The following RANBP3L variants were observed in gnomAD, a reference collection of about 807,000 sequenced individuals.
The protein encoded by RANBP3L is ran-binding protein 3-like.
A neutral mutation model predicts 67.2 loss-of-function variants in RANBP3L; 56 were observed. That is an observed-to-expected ratio of 0.83 (90% confidence interval 0.67 to 1.04). RANBP3L has a LOEUF of 1.04. Among genes scored for constraint, RANBP3L ranks in the 50% least tolerant of loss-of-function variants. The pLI, the probability that RANBP3L is intolerant of heterozygous loss-of-function variation, is 0.00. For missense variants in RANBP3L, 496 were observed against 535.5 expected (o/e 0.93, Z 0.73); for synonymous variants, 164 against 181.4 (o/e 0.90, Z 0.77).
rs1316073460 is a variant in RANBP3L at position 36,255,613 on chromosome 5, G to C, written c.904-23C>G. The C allele has an allele frequency of 4.5e-6, 7 of 1,572,586 alleles. No homozygotes were observed. In the South Asian group the frequency reaches 8.0e-5, roughly 18 times the overall value. ...TATCTAAATGACAATTTTTTAAAATGTCAAATATATAGAAAATTTTTTCAA... is the reference window on the plus strand; with the variant it reads ...TATCTAAATGACAATTTTTTAAAATCTCAAATATATAGAAAATTTTTTCAA... On this transcript the variant is annotated intron_variant, in intron 10 of 13. Coordinates refer to ENST00000296604, the MANE Select transcript of RANBP3L (RefSeq NM_145000.5).
At position 36,256,999 on chromosome 5, in the gene RANBP3L, C is replaced by T. The variant is rs760103930; in HGVS notation, c.845G>A (p.Cys282Tyr). Residue 282 changes from cysteine to tyrosine, a missense_variant, in exon 10 of 14, where the codon TGC becomes TAC. Physicochemically the swap from Cys to Tyr is radical, Grantham distance 194 (BLOSUM62 -2). Transcript: ENST00000296604. ...TATAACATCAATTTTCTCCAGCAAG[C>T]ATTTTCGTGATGGTTGGGAAGAGAA... ...AAFSSQPSRK[C>Y]LLEKIDVITG... 2.5e-6 allele frequency: 4 copies of T among 1,612,848 alleles called. No individual in the cohort carries two copies. Among genetic ancestry groups the T allele is most frequent in the Admixed American group, 3.3e-5 (2 of 59,968 alleles).
chr5:36,272,371 A>C (rs1390496297), intron 1 of RANBP3L, among the ~76,000 whole-genome samples: 1 of 152,206 alleles, frequency 6.6e-6, no homozygotes, highest in African/African-American at 2.4e-5. Context: ...ACCATTACCA[A>C]CATATTGTCT....
intron 1 of RANBP3L, 74 bp downstream of exon 1, chr5:36,301,252 G>A: frequency 8.9e-7 from 1 of 1,125,758 alleles, no homozygotes. Flanking sequence ...TCCTTCACCA[G>A]CCCACCATTC....
intron 1 of RANBP3L, among the ~76,000 whole-genome samples, chr5:36,299,021 G>A (rs1377656977): frequency 6.6e-6 from 1 of 152,050 alleles, no homozygotes; most frequent in Admixed American, 6.6e-5. Context: ...GCTGGGGAAG[G>A]CAGATCCACC....
intron 1 of RANBP3L, among the ~76,000 whole-genome samples, chr5:36,288,069 G>A (rs933610295): frequency 3.9e-5 from 6 of 152,186 alleles, no homozygotes; most frequent in Non-Finnish European, 7.4e-5. Flanking sequence ...ATGCACAGAT[G>A]AATTTTTGAC....
intron 6 of RANBP3L, among the ~76,000 whole-genome samples, chr5:36,263,778 C>T (rs1303837888): frequency 1.3e-5 from 2 of 152,202 alleles, no homozygotes; most frequent in South Asian, 2.1e-4. Flanking sequence ...CCACTCATCT[C>T]GGCCTCCCGA....
In RANBP3L at chr5:36,249,082, A is replaced by G. The variant is rs559318061; in HGVS notation, c.*572T>C. On this transcript the variant is annotated 3_prime_UTR_variant, in exon 14 of 14. Transcript: ENST00000296604. Reference sequence around the variant, plus strand: ...CAAACATTGACAAGATGCAACAGATACAAGTCCAAGAGCAGATGCTCTTTT... The same window carrying G: ...CAAACATTGACAAGATGCAACAGATGCAAGTCCAAGAGCAGATGCTCTTTT... 1.6e-4 allele frequency: 24 copies of G among 152,266 alleles called. No individual in the cohort carries two copies. The highest frequency in any genetic ancestry group is 6.8e-3 in the Middle Eastern group (2 of 294). The allele number at this position is 152,266 out of a possible 1,614,324, so 9.4% of individuals were successfully genotyped here.
At chr5:36,294,222 G>A (rs1283104625) in intron 1 of RANBP3L, among the ~76,000 whole-genome samples, 1 of 152,076 alleles carries the variant, frequency 6.6e-6, no homozygotes, top group African/African-American at 2.4e-5. Context: ...ATGGTGGTTT[G>A]TATTTCTGTG....
intron 1 of RANBP3L, among the ~76,000 whole-genome samples, chr5:36,286,488 A>G (rs553016011): frequency 6.6e-6 from 1 of 152,244 alleles, no homozygotes; most frequent in East Asian, 1.9e-4. Context: ...AGTCATTCTT[A>G]AAGTGTGATC....
At chr5:36,287,186 G>A (rs1751386931) in intron 1 of RANBP3L, among the ~76,000 whole-genome samples, 1 of 152,180 alleles carries the variant, frequency 6.6e-6, no homozygotes, top group Non-Finnish European at 1.5e-5. Context: ...AGACTCTAAT[G>A]TGCATTGATC....
chr5:36,261,652 C>G (rs1322771968), intron 7 of RANBP3L, among the ~76,000 whole-genome samples: 1 of 152,130 alleles, frequency 6.6e-6, no homozygotes, highest in Non-Finnish European at 1.5e-5. Flanking sequence ...ATCTACTAAT[C>G]AGATAATTTA....
chr5:36,282,303 A>C (rs1371595559), intron 1 of RANBP3L, among the ~76,000 whole-genome samples: 1 of 152,212 alleles, frequency 6.6e-6, no homozygotes, highest in Non-Finnish European at 1.5e-5. Context: ...GTGTCTTCTC[A>C]AAGTTAATTT....
At chr5:36,272,090 T>G (rs1750257532) in intron 1 of RANBP3L, among the ~76,000 whole-genome samples, 1 of 151,638 alleles carries the variant, frequency 6.6e-6, no homozygotes, top group African/African-American at 2.4e-5. Context: ...CTAACTACTT[T>G]GGGAAACAAT....
chr5:36,252,648 G>A (rs1561092357), intron 12 of RANBP3L, among the ~76,000 whole-genome samples: 1 of 152,070 alleles, frequency 6.6e-6, no homozygotes, highest in African/African-American at 2.4e-5. Flanking sequence ...AATGTTAATA[G>A]TGACCATCTC....
At chr5:36,301,089 A>C (rs902351535) in intron 1 of RANBP3L, among the ~76,000 whole-genome samples, 23 of 152,202 alleles carry the variant, frequency 1.5e-4, no homozygotes, top group Non-Finnish European at 3.1e-4. Flanking sequence ...ACTCTAAAAA[A>C]CACAGTGGCT....
At chr5:36,254,871 T>G (rs1211186466) in intron 11 of RANBP3L, among the ~76,000 whole-genome samples, 1 of 152,070 alleles carries the variant, frequency 6.6e-6, no homozygotes, top group Non-Finnish European at 1.5e-5. Flanking sequence ...CTCTCTTGTA[T>G]TTTTAGGTTT....
chr5:36,258,945 A>G (rs1749180124), intron 8 of RANBP3L, among the ~76,000 whole-genome samples: 1 of 152,238 alleles, frequency 6.6e-6, no homozygotes, highest in Non-Finnish European at 1.5e-5. Context: ...TCTAACAGGC[A>G]GCCAAATTTG....
intron 12 of RANBP3L, among the ~76,000 whole-genome samples, chr5:36,252,240 T>C (rs754468092): frequency 4.1e-4 from 62 of 151,988 alleles, no homozygotes; most frequent in Non-Finnish European, 1.5e-4. Flanking sequence ...AGTCAGCAAA[T>C]TGGCTGAAAG....
At chr5:36,298,559 A>G (rs1752396814) in intron 1 of RANBP3L, among the ~76,000 whole-genome samples, 2 of 152,172 alleles carry the variant, frequency 1.3e-5, no homozygotes, top group South Asian at 4.1e-4. Flanking sequence ...AATAGCTTGG[A>G]GGAAAAAGCA....
Sources: allele counts gnomAD v4.1 joint callset (sites outside exome capture counted in the v4.1 genomes callset), GRCh38; gene constraint gnomAD v4.1.1; transcripts MANE v1.5; gene names NCBI Gene and HGNC (gene_info 2026-07-23, HGNC 2026-07-21).